CLOCK: variants seen among roughly 807,000 people sequenced by gnomAD.
CLOCK encodes clock circadian regulator, also known as circadian locomoter output cycles protein kaput.
A neutral mutation model predicts 118.4 loss-of-function variants in CLOCK; 43 were observed. The observed-to-expected ratio is 0.36, with a 90% CI of 0.28 to 0.47. The LOEUF (loss-of-function observed/expected upper bound fraction) is 0.47. CLOCK is among the 20% of genes least tolerant of loss of function. The pLI, the probability that CLOCK is intolerant of heterozygous loss-of-function variation, is 1.00. For missense variants in CLOCK, 846 were observed against 999.9 expected, an observed-to-expected ratio of 0.85 and a Z score of 2.08; for synonymous variants, 326 against 339.2, an observed-to-expected ratio of 0.96 and a Z score of 0.43.
At chr4:55,501,170 A>G (rs1243747886) in intron 2 of CLOCK, among the ~76,000 whole-genome samples, 2 of 152,154 alleles carry the variant, frequency 1.3e-5, no homozygotes, top group Admixed American at 1.3e-4. Context: ...GTTACTTAAT[A>G]GCTACAATTC....
At position 55,506,815 on chromosome 4, in the gene CLOCK, C is replaced by T. The variant is rs113159956; in HGVS notation, c.-136+3097G>A. Among the ~76,000 whole-genome samples the T allele has an allele frequency of 4.0e-3, 608 of 152,280 alleles. 4 individuals are homozygous for T. Among genetic ancestry groups the T allele is most frequent in the African/African-American group, 0.014 (580 of 41,564 alleles). On this transcript the variant is annotated intron_variant, in intron 2 of 22. Coordinates refer to ENST00000513440, the MANE Select transcript of CLOCK (RefSeq NM_004898.4). ...ACCACAGGTGATCCACCCACCTCGGCCTTCCAAAGTGCTGGGATTACAGGC... is the reference window on the plus strand; with the variant it reads ...ACCACAGGTGATCCACCCACCTCGGTCTTCCAAAGTGCTGGGATTACAGGC...
chr4:55,527,229 A>G (rs1390938664), intron 1 of CLOCK, among the ~76,000 whole-genome samples: 1 of 152,192 alleles, frequency 6.6e-6, no homozygotes, highest in Non-Finnish European at 1.5e-5. Flanking sequence ...AATATACTTC[A>G]AAATAGTATT....
rs1722755847 is a variant in CLOCK, at chr4:55,434,852, A to G, written c.*563T>C. ...GCTTTCTCTCCTTTTATCTAGACATATACATATTTTTACATCATCTGTACA... is the reference window on the plus strand; with the variant it reads ...GCTTTCTCTCCTTTTATCTAGACATGTACATATTTTTACATCATCTGTACA... On this transcript the variant is annotated 3_prime_UTR_variant, in exon 23 of 23. Coordinates refer to ENST00000513440, the MANE Select transcript of CLOCK (RefSeq NM_004898.4). 1 of 158,106 alleles carries G rather than the reference A, an allele frequency of 6.3e-6. No individual in the cohort carries two copies. Among genetic ancestry groups the G allele is most frequent in the African/African-American group, 2.4e-5 (1 of 41,376 alleles). The allele number at this position is 158,106 out of a possible 1,614,324, so 9.8% of individuals were successfully genotyped here.
chr4:55,463,856 A>C (rs772710480), intron 8 of CLOCK, 51 bp from the exon 9 acceptor site: 3 of 1,552,810 alleles, frequency 1.9e-6, no homozygotes, highest in Non-Finnish European at 2.6e-6. Flanking sequence ...TCAAGAGACA[A>C]TTGCTTTAAA....
intron 8 of CLOCK, 72 bp downstream of exon 8, chr4:55,470,645 A>T: frequency 9.3e-7 from 1 of 1,075,322 alleles, no homozygotes; most frequent in Non-Finnish European, 1.4e-6. Flanking sequence ...CTCAAAGTCC[A>T]CTTCCCAGTG....
At chr4:55,515,090 A>G (rs995763784) in intron 1 of CLOCK, among the ~76,000 whole-genome samples, 1 of 152,128 alleles carries the variant, frequency 6.6e-6, no homozygotes, top group Non-Finnish European at 1.5e-5. Flanking sequence ...CAGATTGTCT[A>G]CTTCTTGTAT....
At chr4:55,438,571 C>T (rs367589928) in intron 21 of CLOCK, 34 bp from the exon 22 acceptor site, 1 of 1,611,954 alleles carries the variant, frequency 6.2e-7, no homozygotes, top group African/African-American at 1.3e-5. Context: ...AATTGGAGTC[C>T]AAAGTACAAG....
intron 18 of CLOCK, among the ~76,000 whole-genome samples, chr4:55,446,262 GT>G (rs958171632): frequency 3.3e-5 from 5 of 151,438 alleles, no homozygotes; most frequent in African/African-American, 4.9e-5. Context: ...CCCGGCTAAT[GT>G]TTTTTTTAAG....
chr4:55,523,008 C>T (rs1428580352), intron 1 of CLOCK, among the ~76,000 whole-genome samples: 2 of 152,016 alleles, frequency 1.3e-5, no homozygotes, highest in African/African-American at 2.4e-5. Context: ...ATAAGACAAA[C>T]GAACAGGCTG....
intron 1 of CLOCK, among the ~76,000 whole-genome samples, chr4:55,513,742 C>A (rs1729309082): frequency 6.6e-6 from 1 of 152,104 alleles, no homozygotes; most frequent in East Asian, 1.9e-4. Context: ...TTGTGAAGAA[C>A]TGACACCTTG....
intron 22 of CLOCK, among the ~76,000 whole-genome samples, chr4:55,437,600 C>T (rs1722987112): frequency 6.6e-6 from 1 of 152,138 alleles, no homozygotes; most frequent in Non-Finnish European, 1.5e-5. Context: ...TAGCCATGTG[C>T]CTTGTCTTAT....
intron 19 of CLOCK, 148 bp from the exon 20 acceptor site, chr4:55,444,044 A>G (rs1351921891): frequency 6.1e-6 from 4 of 651,954 alleles, no homozygotes; most frequent in African/African-American, 1.8e-5. Flanking sequence ...ATAAATAAGT[A>G]GTGAATAAAA....
At chr4:55,489,281 C>T (rs979649045) in intron 3 of CLOCK, 93 bp downstream of exon 3, 5 of 152,110 alleles carry the variant, frequency 3.3e-5, no homozygotes, top group Non-Finnish European at 7.4e-5. Flanking sequence ...TTAAACTTTC[C>T]TTAAATTAGT....
chr4:55,511,323 A>G (rs1480344657), intron 1 of CLOCK, among the ~76,000 whole-genome samples: 1 of 152,108 alleles, frequency 6.6e-6, no homozygotes, highest in Non-Finnish European at 1.5e-5. Flanking sequence ...ATGGCTATTA[A>G]TTTTCTTGTA....
chr4:55,471,919 A>T (rs1414169243), intron 7 of CLOCK, among the ~76,000 whole-genome samples: 6 of 152,212 alleles, frequency 3.9e-5, no homozygotes, highest in African/African-American at 1.2e-4. Context: ...AAAAAAAATT[A>T]AAAAATTAGC....
At chr4:55,482,715 T>G in intron 4 of CLOCK, 24 bp downstream of exon 4, 1 of 1,536,352 alleles carries the variant, frequency 6.5e-7, no homozygotes, top group Non-Finnish European at 8.9e-7. Flanking sequence ...ATATATAACT[T>G]AAAATAAGTC....
chr4:55,469,621 G>C (rs1368568496), intron 8 of CLOCK, among the ~76,000 whole-genome samples: 1 of 152,146 alleles, frequency 6.6e-6, no homozygotes, highest in Non-Finnish European at 1.5e-5. Context: ...TTTTACAAAT[G>C]TTTAAAAAGT....
chr4:55,437,170 T>C (rs1722947149), intron 22 of CLOCK, among the ~76,000 whole-genome samples: 1 of 152,236 alleles, frequency 6.6e-6, no homozygotes, highest in South Asian at 2.1e-4. Flanking sequence ...TAGCCTGTTT[T>C]AGTTTTCTAC....
At chr4:55,456,197 G>A in intron 12 of CLOCK, 21 bp downstream of exon 12, 2 of 1,518,360 alleles carry the variant, frequency 1.3e-6, no homozygotes, top group Non-Finnish European at 1.8e-6. Flanking sequence ...ACCTTTTCAT[G>A]GAATTTAAAA....
Sources: allele counts gnomAD v4.1 joint callset (sites outside exome capture counted in the v4.1 genomes callset), GRCh38; gene constraint gnomAD v4.1.1; transcripts MANE v1.5; gene names NCBI Gene and HGNC (gene_info 2026-07-23, HGNC 2026-07-21).